The following SLCO6A1 variants were observed in gnomAD, a reference collection of about 807,000 sequenced individuals.
The protein encoded by SLCO6A1 is cancer/testis antigen 48.
A neutral mutation model predicts 72.7 loss-of-function variants in SLCO6A1; 65 were observed. That is an observed-to-expected ratio of 0.89 (90% CI 0.73 to 1.10). SLCO6A1 has a LOEUF of 1.10. Among genes scored for constraint, SLCO6A1 ranks in the 50% least tolerant of loss-of-function variants. The pLI, the probability that SLCO6A1 is intolerant of heterozygous loss-of-function variation, is 0.00. For missense variants in SLCO6A1, 874 were observed against 872.6 expected (o/e 1.00, Z -0.02); for synonymous variants, 314 against 298.2 (o/e 1.05, Z -0.55).
rs1745895293 is a variant in SLCO6A1 at position 102,377,913 on chromosome 5, T to C, written c.2018-4419A>G. Among the ~76,000 whole-genome samples, 4 of 142,070 alleles carry C rather than the reference T, an allele frequency of 2.8e-5. No individual in the cohort carries two copies. The South Asian group carries it at 9.0e-4, about 32-fold the overall frequency. The allele number at this position is 142,070 out of a possible 152,430, so 93.2% of individuals were successfully genotyped here. ...GGTCTTAAACTCTTTTTTTTTTTTT[T>C]AATAAAGAACAAAATAGTTTGGCAA... On this transcript the variant is annotated intron_variant, in intron 12 of 13. Transcript: ENST00000506729.
chr5:102,440,032 A>G (rs1468224294), intron 6 of SLCO6A1, among the ~76,000 whole-genome samples: 1 of 152,194 alleles, frequency 6.6e-6, no homozygotes, highest in Non-Finnish European at 1.5e-5. Flanking sequence ...TGAAAATATG[A>G]CTTTTGCTGG....
At chr5:102,466,573 T>C (rs928148725) in intron 4 of SLCO6A1, among the ~76,000 whole-genome samples, 1 of 152,150 alleles carries the variant, frequency 6.6e-6, no homozygotes, top group African/African-American at 2.4e-5. Context: ...GGTATTTCAG[T>C]CTCTAGGTCT....
intron 4 of SLCO6A1, among the ~76,000 whole-genome samples, chr5:102,467,321 G>C (rs1382184279): frequency 1.3e-5 from 2 of 152,052 alleles, no homozygotes; most frequent in East Asian, 3.9e-4. Flanking sequence ...CCAGAGGTGG[G>C]AGGATCACCT....
chr5:102,384,099 C>A (rs1350547683), intron 12 of SLCO6A1, among the ~76,000 whole-genome samples: 1 of 151,554 alleles, frequency 6.6e-6, no homozygotes, highest in Admixed American at 6.6e-5. Flanking sequence ...TAAGGGCTTG[C>A]CAGTTTAATT....
At chr5:102,459,465 A>G (rs1292415502) in intron 5 of SLCO6A1, among the ~76,000 whole-genome samples, 191 bp downstream of exon 5, 1 of 152,046 alleles carries the variant, frequency 6.6e-6, no homozygotes, top group Non-Finnish European at 1.5e-5. Context: ...AAATCAAATA[A>G]TATTTGGCTG....
chr5:102,374,189 T>A (rs116506558), intron 12 of SLCO6A1, among the ~76,000 whole-genome samples: 1 of 151,998 alleles, frequency 6.6e-6, no homozygotes, highest in African/African-American at 2.4e-5. Context: ...ATTTTTATAG[T>A]TTTTGTAGAG....
chr5:102,374,884 A>G (rs1745695713), intron 12 of SLCO6A1, among the ~76,000 whole-genome samples: 1 of 152,214 alleles, frequency 6.6e-6, no homozygotes, highest in Non-Finnish European at 1.5e-5. Context: ...TCTGAAAATG[A>G]TAGGAAAAGC....
At chr5:102,491,709 G>A (rs1752686874) in intron 1 of SLCO6A1, among the ~76,000 whole-genome samples, 1 of 152,228 alleles carries the variant, frequency 6.6e-6, no homozygotes, top group South Asian at 2.1e-4. Context: ...CGCAGCCCCG[G>A]TTCCCGCCCG....
At chr5:102,447,607 T>A (rs1017029699) in intron 6 of SLCO6A1, among the ~76,000 whole-genome samples, 4 of 152,218 alleles carry the variant, frequency 2.6e-5, no homozygotes, top group Non-Finnish European at 5.9e-5. Flanking sequence ...CTTAGAAGGT[T>A]GCATGCTTCC....
chr5:102,378,580 T>C (rs1032734486), intron 12 of SLCO6A1, among the ~76,000 whole-genome samples: 12 of 149,236 alleles, frequency 8.0e-5, no homozygotes, highest in Admixed American at 6.0e-4. Context: ...AATATATTTA[T>C]ATAGCAAACC....
chr5:102,383,707 T>C (rs894494519), intron 12 of SLCO6A1, among the ~76,000 whole-genome samples: 1 of 151,904 alleles, frequency 6.6e-6, no homozygotes, highest in Non-Finnish European at 1.5e-5. Flanking sequence ...AATTCTGGTC[T>C]CATAAAATGA....
At chr5:102,443,885 A>T (rs1749972009) in intron 6 of SLCO6A1, among the ~76,000 whole-genome samples, 1 of 152,190 alleles carries the variant, frequency 6.6e-6, no homozygotes, top group Non-Finnish European at 1.5e-5. Context: ...TTGACATAAA[A>T]AGGGAGAAAT....
At chr5:102,477,395 A>G (rs1175580347) in intron 3 of SLCO6A1, among the ~76,000 whole-genome samples, 2 of 152,130 alleles carry the variant, frequency 1.3e-5, no homozygotes, top group Non-Finnish European at 2.9e-5. Context: ...AAGTTCTAGG[A>G]TTACAGGCAT....
intron 8 of SLCO6A1, among the ~76,000 whole-genome samples, chr5:102,419,104 G>C (rs1748447685): frequency 6.6e-6 from 1 of 152,062 alleles, no homozygotes; most frequent in African/African-American, 2.4e-5. Flanking sequence ...GGGAAAAAGT[G>C]GCTGCAAAAA....
At chr5:102,492,566 G>A (rs1752730384) in intron 1 of SLCO6A1, among the ~76,000 whole-genome samples, 1 of 152,176 alleles carries the variant, frequency 6.6e-6, no homozygotes, top group Non-Finnish European at 1.5e-5. Flanking sequence ...AGCCCACCGA[G>A]TGTGAGCTGA....
At chr5:102,451,372 C>T (rs1750408676) in intron 6 of SLCO6A1, among the ~76,000 whole-genome samples, 1 of 152,142 alleles carries the variant, frequency 6.6e-6, no homozygotes, top group East Asian at 1.9e-4. Flanking sequence ...GGCCCTCAGT[C>T]CATCTTGCTT....
intron 1 of SLCO6A1, among the ~76,000 whole-genome samples, chr5:102,484,747 T>A (rs1294738434): frequency 1.3e-5 from 2 of 152,250 alleles, no homozygotes; most frequent in African/African-American, 4.8e-5. Context: ...CCAAGCATTT[T>A]TATGTTATAC....
At chr5:102,415,337 A>C (rs1259953453) in intron 8 of SLCO6A1, among the ~76,000 whole-genome samples, 1 of 152,208 alleles carries the variant, frequency 6.6e-6, no homozygotes, top group African/African-American at 2.4e-5. Flanking sequence ...CCAAAACAGC[A>C]TTGTAGTGGT....
chr5:102,373,308 T>C (rs748681513), intron 13 of SLCO6A1, 29 bp downstream of exon 13: 1 of 1,389,644 alleles, frequency 7.2e-7, no homozygotes, highest in Non-Finnish European at 9.5e-7. Context: ...TAATATTTCA[T>C]TGATAGATTG....
Sources: gnomAD v4.1 joint callset for allele counts (sites outside exome capture counted in the v4.1 genomes callset) on GRCh38, gnomAD v4.1.1 for gene constraint, MANE v1.5 for transcripts, NCBI Gene and HGNC (gene_info 2026-07-23, HGNC 2026-07-21) for gene names.